MALRD1: variants seen among roughly 807,000 people sequenced by gnomAD.
The protein encoded by MALRD1 is MAM and LDL-receptor class A domain-containing protein 1.
In MALRD1, 247 loss-of-function variants were observed where a neutral mutation model predicts 242.1. The observed-to-expected ratio is 1.02, with a 90% CI of 0.92 to 1.13. The LOEUF (loss-of-function observed/expected upper bound fraction) is 1.13. MALRD1 is among the 50% of genes most tolerant of loss of function. The probability of loss-of-function intolerance (pLI) is 0.00; values close to 1 mark genes in which losing one functional copy is unlikely to be tolerated. For missense variants in MALRD1, 2,989 were observed against 2,533.1 expected (o/e 1.18, Z -3.86); for synonymous variants, 995 against 866.6 (o/e 1.15, Z -2.60).
At chr10:19,050,493 A>G (rs1386432903) in intron 1 of MALRD1, among the ~76,000 whole-genome samples, 1 of 151,908 alleles carries the variant, frequency 6.6e-6, no homozygotes, top group Non-Finnish European at 1.5e-5. Flanking sequence ...TTTACCTTCC[A>G]TTTATATATT....
intron 2 of MALRD1, 100 bp from the exon 3 acceptor site, chr10:19,087,740 A>C (rs1419522341): frequency 4.1e-6 from 2 of 493,626 alleles, no homozygotes; most frequent in Admixed American, 8.8e-5. Context: ...ATGTACAGTG[A>C]AATTATTATT....
intron 28 of MALRD1, among the ~76,000 whole-genome samples, chr10:19,419,544 TC>T (rs1360107278): frequency 2.0e-5 from 3 of 152,164 alleles, no homozygotes; most frequent in Non-Finnish European, 4.4e-5. Flanking sequence ...GGTCTCAAAC[TC>T]CTGGCCTCAG....
At chr10:19,539,865 T>C (rs1250310806) in intron 32 of MALRD1, among the ~76,000 whole-genome samples, 4 of 58,652 alleles carry the variant, frequency 6.8e-5, no homozygotes, top group South Asian at 6.9e-4. Flanking sequence ...TGCGTGTGTG[T>C]GTGTGTGTGT....
At position 19,244,352 on chromosome 10, in the gene MALRD1, T is replaced by C. The variant is rs184678612; in HGVS notation, c.2992-13332T>C. Among the ~76,000 whole-genome samples the C allele has an allele frequency of 4.6e-4, 70 of 152,206 alleles. 1 individual carries two copies. The South Asian group carries it at 0.011, about 25-fold the overall frequency. On this transcript the variant is annotated intron_variant, in intron 18 of 39. Transcript: ENST00000454679. Reference sequence around the variant, plus strand: ...CTTTGGGAATTCAAGGCAGGTGGATTGCTTGAGTCTTGGAGTTTGAGACCT... The same window carrying C: ...CTTTGGGAATTCAAGGCAGGTGGATCGCTTGAGTCTTGGAGTTTGAGACCT...
At chr10:19,275,504 T>TA in intron 19 of MALRD1, among the ~76,000 whole-genome samples, 1 of 152,064 alleles carries the variant, frequency 6.6e-6, no homozygotes, top group East Asian at 1.9e-4. Flanking sequence ...CCGTCTCTAC[T>TA]AAAAATACAA....
At chr10:19,227,265 A>G (rs1837839633) in intron 18 of MALRD1, among the ~76,000 whole-genome samples, 1 of 152,082 alleles carries the variant, frequency 6.6e-6, no homozygotes, top group South Asian at 2.1e-4. Context: ...ACTAACCAGT[A>G]CAGTGAACTT....
At chr10:19,275,224 A>T (rs578227101) in intron 19 of MALRD1, among the ~76,000 whole-genome samples, 5 of 152,294 alleles carry the variant, frequency 3.3e-5, no homozygotes, top group African/African-American at 9.6e-5. Flanking sequence ...AGTTATTCAT[A>T]ATTAAAGTCA....
chr10:19,113,519 C>T (rs1308450541), intron 5 of MALRD1, among the ~76,000 whole-genome samples: 1 of 151,754 alleles, frequency 6.6e-6, no homozygotes, highest in Non-Finnish European at 1.5e-5. Context: ...TCTCCCCATT[C>T]CTCTCCCCTC....
chr10:19,353,588 G>T (rs1343718740), intron 26 of MALRD1, among the ~76,000 whole-genome samples: 2 of 152,114 alleles, frequency 1.3e-5, no homozygotes, highest in Non-Finnish European at 2.9e-5. Flanking sequence ...TGCCTGACAG[G>T]CTTCTAACAC....
intron 38 of MALRD1, among the ~76,000 whole-genome samples, chr10:19,705,009 A>G (rs1296902015): frequency 1.3e-5 from 2 of 152,174 alleles, no homozygotes; most frequent in Non-Finnish European, 2.9e-5. Context: ...GGTGATTAGG[A>G]TCCCAAATCT....
rs1385566661 is a variant in MALRD1 at position 19,331,524 on chromosome 10, G to A, written c.3843G>A (p.Lys1281=). Residue 1281 remains lysine (K), a synonymous_variant, in exon 24 of 40, where the codon AAG becomes AAA. Coordinates refer to ENST00000454679, the MANE Select transcript of MALRD1 (RefSeq NM_001142308.3). ...CANKHCIAKD[K]LCDFVNDCAD... ...ATAAGCACTGCATTGCCAAAGACAA[G>A]CTGTGTGATTTTGTGAATGATTGTG... 2 of 1,550,306 alleles carry A rather than the reference G, an allele frequency of 1.3e-6. No homozygotes were observed. Among genetic ancestry groups the A allele is most frequent in the Non-Finnish European group, 1.7e-6 (2 of 1,146,804 alleles).
chr10:19,239,705 T>C (rs990865164), intron 18 of MALRD1, among the ~76,000 whole-genome samples: 1 of 152,182 alleles, frequency 6.6e-6, no homozygotes, highest in African/African-American at 2.4e-5. Context: ...CTAATTTCAT[T>C]ATCCCACATG....
In MALRD1 at chr10:19,593,407, A is replaced by G. The variant is rs1837920146; in HGVS notation, c.5681-1787A>G. Among the ~76,000 whole-genome samples the G allele has an allele frequency of 1.3e-5, 2 of 152,182 alleles. 1 individual carries two copies. Among genetic ancestry groups the G allele is most frequent in the African/African-American group, 4.8e-5 (2 of 41,442 alleles). ...CACTATTGGTTTAGTGAGGAGGGAG[A>G]GGGACTTTCACATCTCATTTTTTAA... is the stretch of plus-strand genomic sequence containing the variant. On this transcript the variant is annotated intron_variant, in intron 33 of 39. Coordinates refer to ENST00000454679, the MANE Select transcript of MALRD1 (RefSeq NM_001142308.3).
intron 36 of MALRD1, among the ~76,000 whole-genome samples, chr10:19,622,146 T>C (rs1480440734): frequency 1.3e-5 from 2 of 151,048 alleles, no homozygotes; most frequent in East Asian, 3.9e-4. Flanking sequence ...TATTTCATAT[T>C]GTACTGGAGG....
At chr10:19,491,725 T>G in intron 30 of MALRD1, 80 bp downstream of exon 30, 1 of 1,430,706 alleles carries the variant, frequency 7.0e-7, no homozygotes. Flanking sequence ...TTGGTGTTGA[T>G]GATGGAGAAG....
At chr10:19,139,359 T>A (rs961994807) in intron 10 of MALRD1, among the ~76,000 whole-genome samples, 2 of 152,236 alleles carry the variant, frequency 1.3e-5, no homozygotes, top group African/African-American at 4.8e-5. Flanking sequence ...TCTTACAAAT[T>A]TGAATTTGTA....
chr10:19,715,328 T>C (rs180886387), intron 38 of MALRD1, among the ~76,000 whole-genome samples: 21 of 151,040 alleles, frequency 1.4e-4, no homozygotes, highest in African/African-American at 5.1e-4. Flanking sequence ...TTAATATATT[T>C]TAAAATGACA....
chr10:19,483,645 A>T (rs1482169500), intron 29 of MALRD1, among the ~76,000 whole-genome samples: 1 of 152,098 alleles, frequency 6.6e-6, no homozygotes, highest in African/African-American at 2.4e-5. Flanking sequence ...AAAATAACAG[A>T]TGCTGGTGAG....
At chr10:19,169,240 A>G (rs1310900002) in intron 13 of MALRD1, among the ~76,000 whole-genome samples, 1 of 152,112 alleles carries the variant, frequency 6.6e-6, no homozygotes, top group African/African-American at 2.4e-5. Flanking sequence ...GCTCTGAGCT[A>G]TTCACATTTC....
Sources: gnomAD v4.1 joint callset for allele counts (sites outside exome capture counted in the v4.1 genomes callset) on GRCh38, gnomAD v4.1.1 for gene constraint, MANE v1.5 for transcripts, NCBI Gene and HGNC (gene_info 2026-07-23, HGNC 2026-07-21) for gene names.